RHPN1: variants seen among roughly 807,000 people sequenced by gnomAD.
RHPN1 encodes the protein rhophilin Rho GTPase binding protein 1, also known as rhophilin-1.
A neutral mutation model predicts 74.7 loss-of-function variants in RHPN1; 77 were observed. The ratio of observed to expected loss-of-function variants is 1.03; its 90% confidence interval spans 0.86 to 1.25. The LOEUF (loss-of-function observed/expected upper bound fraction) is 1.25, where lower values mean the gene tolerates loss of function less well. Ranked by LOEUF, RHPN1 falls within the 50% of genes most tolerant of loss-of-function variation. RHPN1 has a pLI of 0.00. For missense variants in RHPN1, 987 were observed against 932.2 expected, an observed-to-expected ratio of 1.06 and a Z score of -0.77; for synonymous variants, 444 against 414.5, an observed-to-expected ratio of 1.07 and a Z score of -0.87.
intron 7 of RHPN1, 92 bp from the exon 8 acceptor site, chr8:143,379,223 G>A: frequency 7.1e-7 from 1 of 1,414,406 alleles, no homozygotes; most frequent in Non-Finnish European, 9.3e-7. Flanking sequence ...ATGTGTCCCA[G>A]GAGCATCCCT....
rs1287934797 is a variant in RHPN1 at position 143,383,425 on chromosome 8, T to A, written c.*774T>A. 1 of 152,302 alleles carries A rather than the reference T, an allele frequency of 6.6e-6. No homozygotes were observed. The highest frequency in any genetic ancestry group is 1.5e-5 in the Non-Finnish European group (1 of 68,152). 9.4% of individuals were successfully genotyped at this position (152,302 alleles called of 1,614,324 possible). ...TGGGGCCTGCATGGGCCCCCAGCCC[T>A]CCCCAGCCTGCTTGGGCCGCTCCTG... On this transcript the variant is annotated 3_prime_UTR_variant, in exon 15 of 15. Coordinates refer to ENST00000289013, the MANE Select transcript of RHPN1 (RefSeq NM_052924.3).
At chr8:143,369,390 A>T (rs1817680191) in intron 1 of RHPN1, among the ~76,000 whole-genome samples, 1 of 151,858 alleles carries the variant, frequency 6.6e-6, no homozygotes, top group Non-Finnish European at 1.5e-5. Context: ...CCTTTCCGGC[A>T]CCTGTACAGC....
rs560169305 is a variant in RHPN1 at position 143,374,286 on chromosome 8, A to G, written c.61-1267A>G. ...GTTGGCCCCATGAATCCGCAGCTTC[A>G]TGCAGTGGTAGGTCAGTTTCATGGT... On this transcript the variant is annotated intron_variant, in intron 1 of 14. Transcript: ENST00000289013. 1.1e-5 allele frequency: 11 copies of G among 985,464 alleles called. No individual in the cohort carries two copies. In the South Asian group the frequency reaches 3.8e-4, roughly 34 times the overall value. 61.0% of individuals were successfully genotyped at this position (985,464 alleles called of 1,614,324 possible).
Position 143,381,980 on chromosome 8 carries a change from G to C in RHPN1, c.1797+12G>C, listed in dbSNP as rs769243492. ...GACTGCCCAGCTTGGTGAGCCCCTG[G>C]GGCCCCAGAGGGGCGGTCCCCAGCT... is the stretch of plus-strand genomic sequence containing the variant. On this transcript the variant is annotated intron_variant, in intron 14 of 14. Transcript: ENST00000289013. 14 of 1,564,006 alleles carry C rather than the reference G, an allele frequency of 9.0e-6. No individual in the cohort carries two copies. The highest frequency in any genetic ancestry group is 1.2e-5 in the Non-Finnish European group (14 of 1,155,010).
At chr8:143,369,126 G>A in intron 1 of RHPN1, 79 bp downstream of exon 1, 2 of 1,174,456 alleles carry the variant, frequency 1.7e-6, no homozygotes, top group African/African-American at 1.6e-5. Flanking sequence ...GGCGCGTTCC[G>A]GGCGCCCCCC....
chr8:143,375,519 G>A (rs1476750960), intron 1 of RHPN1, 34 bp from the exon 2 acceptor site: 1 of 1,489,918 alleles, frequency 6.7e-7, no homozygotes, highest in Non-Finnish European at 9.1e-7. Flanking sequence ...GGCGCCACGG[G>A]GTCGGGCTGT....
At chr8:143,364,486 C>G (rs1350611454), upstream of RHPN1, among the ~76,000 whole-genome samples, 1 of 152,148 alleles carries the variant, frequency 6.6e-6, no homozygotes, top group African/African-American at 2.4e-5. This position sits in a 1 kb window ranked among gnomAD's most constrained non-coding sequence, Gnocchi z 4.5. Context: ...GGAGGCCCCA[C>G]CAGGGCCTGG....
upstream of RHPN1, among the ~76,000 whole-genome samples, chr8:143,364,639 GTGTC>G (rs1252373610): frequency 6.6e-6 from 1 of 151,214 alleles, no homozygotes; most frequent in Non-Finnish European, 1.5e-5. The surrounding 1 kb of genome is among the most constrained non-coding windows in gnomAD (Gnocchi z 4.5). Context: ...ATAAATATGT[GTGTC>G]TGTTCTCTGG....
chr8:143,378,658 G>A (rs775440366), intron 5 of RHPN1, 38 bp from the exon 6 acceptor site: 1 of 1,582,220 alleles, frequency 6.3e-7, no homozygotes, highest in East Asian at 2.3e-5. Flanking sequence ...GAGTGGGGTG[G>A]GCCAGGGCGG....
Position 143,379,928 on chromosome 8 carries a change from G to C in RHPN1, c.1045G>C (p.Glu349Gln). The C allele has an allele frequency of 6.3e-7, 1 of 1,593,124 alleles. No individual in the cohort carries two copies. The highest frequency in any genetic ancestry group is 1.1e-5 in the South Asian group (1 of 87,926). ...SWTALVHVKA[E>Q]YFRSLAHYHV... ...GACTGCCCTGGTGCATGTCAAGGCC[G>C]AGTACTTCCGCTCCCTGGCCCACTA... The change falls in exon 9 of 15, where the codon GAG (glutamate) becomes CAG (glutamine). Residue 349 changes from glutamate (E) to glutamine (Q), a missense_variant. Transcript: ENST00000289013.
chr8:143,376,293 G>A (rs926711187), intron 2 of RHPN1, among the ~76,000 whole-genome samples: 2 of 152,218 alleles, frequency 1.3e-5, no homozygotes, highest in South Asian at 2.1e-4. Flanking sequence ...GGCCAGAGTC[G>A]GAACATGCAG....
rs777342383 is a variant in RHPN1, at chr8:143,377,440, G to T, written c.366G>T (p.Trp122Cys). The T allele has an allele frequency of 1.2e-6, 2 of 1,612,952 alleles. No homozygotes were observed. Among genetic ancestry groups the T allele is most frequent in the Admixed American group, 1.7e-5 (1 of 59,980 alleles). Residue 122 changes from tryptophan (W) to cysteine (C), a missense_variant, in exon 4 of 15, where the codon TGG becomes TGT. Trp to Cys is a radical substitution (Grantham distance 215). Transcript: ENST00000289013. ...LGLKETKELD[W>C]STPLKELISV... ...TGAAGGAGACCAAGGAGCTGGACTG[G>T]TCTACACCGCTGAAGGTAGGTACTG... is the stretch of plus-strand genomic sequence containing the variant.
rs1194556114 is a variant in RHPN1 at position 143,383,815 on chromosome 8, C to G, written c.*1164C>G. On this transcript the variant is annotated 3_prime_UTR_variant, in exon 15 of 15. Transcript: ENST00000289013. ...CTGGGAGGCGGCACGGGCAGGTGCG[C>G]CTTGGGAGGGCTGAGGCAAAGACCC... 6.6e-6 allele frequency: 1 copy of G among 152,252 alleles called. No homozygotes were observed. 9.4% of individuals were successfully genotyped at this position (152,252 alleles called of 1,614,324 possible).
chr8:143,368,334 G>A (rs1260165907), upstream of RHPN1: 1 of 153,524 alleles, frequency 6.5e-6, no homozygotes, highest in East Asian at 1.9e-4. Flanking sequence ...GCAGAGAGAA[G>A]AAAGCAGGCA....
intron 1 of RHPN1, among the ~76,000 whole-genome samples, chr8:143,372,818 C>T (rs1308791078): frequency 2.5e-5 from 2 of 80,332 alleles, no homozygotes; most frequent in Admixed American, 1.3e-4. Context: ...CAGCAGATGG[C>T]GCAGGGGTTT....
At chr8:143,377,890 CACTG>C (rs1399946640) in intron 4 of RHPN1, among the ~76,000 whole-genome samples, 1 of 152,228 alleles carries the variant, frequency 6.6e-6, no homozygotes, top group Non-Finnish European at 1.5e-5. Flanking sequence ...CCACGGGAGC[CACTG>C]ACTGTGTTCC....
intron 1 of RHPN1, among the ~76,000 whole-genome samples, chr8:143,373,472 T>G (rs1230977728): frequency 2.0e-3 from 5 of 2,444 alleles, no homozygotes; most frequent in East Asian, 6.9e-3. Context: ...CAGGGGACGG[T>G]GTGGGGGTTT....
At chr8:143,376,708 T>G in intron 3 of RHPN1, 55 bp downstream of exon 3, 1 of 1,507,248 alleles carries the variant, frequency 6.6e-7, no homozygotes, top group Non-Finnish European at 9.0e-7. Context: ...CGTGTGCGTG[T>G]GTGTGTGCAT....
At chr8:143,378,578 G>A (rs927145647) in intron 5 of RHPN1, 118 bp from the exon 6 acceptor site, 1 of 1,353,692 alleles carries the variant, frequency 7.4e-7, no homozygotes, top group Non-Finnish European at 9.9e-7. Flanking sequence ...GCTGCCCAGG[G>A]CCCCACTGGC....
Sources: gnomAD v4.1 joint callset for allele counts (sites outside exome capture counted in the v4.1 genomes callset) on GRCh38, gnomAD v4.1.1 for gene constraint, Gnocchi (gnomAD v3.1) non-coding constraint, MANE v1.5 for transcripts, NCBI Gene and HGNC (gene_info 2026-07-23, HGNC 2026-07-21) for gene names.